The following BAG4 variants were observed in gnomAD, a reference collection of about 807,000 sequenced individuals.
The protein encoded by BAG4 is BAG family molecular chaperone regulator 4.
Under a neutral mutation model 52.1 loss-of-function variants are expected in BAG4, and 28 were observed. The ratio of observed to expected loss-of-function variants is 0.54; its 90% confidence interval spans 0.40 to 0.74. The LOEUF (loss-of-function observed/expected upper bound fraction) is 0.74, where lower values mean the gene tolerates loss of function less well. BAG4 is among the 30% of genes least tolerant of loss of function. The pLI is 0.00. For missense variants in BAG4, 525 were observed against 572.0 expected (o/e 0.92, Z 0.84); for synonymous variants, 208 against 217.0 (o/e 0.96, Z 0.37).
chr8:38,188,576 TAC>T lies in BAG4; in HGVS notation c.271-4111_271-4110del, dbSNP rs1200281222. On this transcript the variant is annotated intron_variant, in intron 1 of 4. Transcript: ENST00000287322. Reference sequence around the variant, plus strand: ...ATATGCACATATAAATACATATATATACGTGTATACACATATATATATGCATG... The same window carrying T: ...ATATGCACATATAAATACATATATATGTGTATACACATATATATATGCATG... Among the ~76,000 whole-genome samples, 7 of 150,570 alleles carry T rather than the reference TAC, an allele frequency of 4.6e-5. No individual in the cohort carries two copies. In the East Asian group the frequency reaches 7.8e-4, roughly 17 times the overall value.
At chr8:38,179,638 C>T (rs998832911) in intron 1 of BAG4, among the ~76,000 whole-genome samples, 1 of 151,548 alleles carries the variant, frequency 6.6e-6, no homozygotes, top group African/African-American at 2.4e-5. Flanking sequence ...TGGTGGCGGG[C>T]GCCTGTAATC....
rs764963918 is a variant in BAG4, at chr8:38,211,642, G to A, written c.*1149G>A. ...AGGGAATGAATCAGCCATAGTTAGA[G>A]TGGGAAATTATTATTTTCTTCATTT... On this transcript the variant is annotated 3_prime_UTR_variant, in exon 5 of 5. Coordinates refer to ENST00000287322, the MANE Select transcript of BAG4 (RefSeq NM_004874.4). 74 of 152,054 alleles carry A rather than the reference G, an allele frequency of 4.9e-4. No homozygotes were observed. Among genetic ancestry groups the A allele is most frequent in the Non-Finnish European group, 6.0e-4 (41 of 67,938 alleles). The allele number at this position is 152,054 out of a possible 1,614,324, so 9.4% of individuals were successfully genotyped here. A position where few individuals can be genotyped will look rare whatever the true frequency, so the allele number is the denominator to read the frequency against.
Position 38,210,622 on chromosome 8 carries a change from A to G in BAG4, c.*129A>G. 1.6e-6 allele frequency: 2 copies of G among 1,244,264 alleles called. No individual in the cohort carries two copies. The highest frequency in any genetic ancestry group is 2.2e-6 in the Non-Finnish European group (2 of 927,894). 77.1% of individuals were successfully genotyped at this position (1,244,264 alleles called of 1,614,324 possible). A position where few individuals can be genotyped will look rare whatever the true frequency, so the allele number is the denominator to read the frequency against. On this transcript the variant is annotated 3_prime_UTR_variant, in exon 5 of 5. Transcript: ENST00000287322. The stretch of plus-strand genomic sequence containing the variant: ...TACATTCCAGCTTTCCTTTGATTTT[A>G]TACTTGAAAAACTGGCAAAGGAATG...
chr8:38,200,763 T>C (rs1803650389), intron 2 of BAG4, among the ~76,000 whole-genome samples: 1 of 152,110 alleles, frequency 6.6e-6, no homozygotes, highest in Non-Finnish European at 1.5e-5. Flanking sequence ...CACGCCCGGC[T>C]AATTTTGTAT....
At position 38,210,212 on chromosome 8, in the gene BAG4, C is replaced by G. The variant is rs1199871725; in HGVS notation, c.1093C>G (p.Leu365Val). The part of the protein sequence containing the change: ...HPNNQDQSSS[L>V]PEECVPSDES... Reference sequence around the variant, plus strand: ...CAACAATCAAGATCAAAGTAGCAGTCTTCCTGAAGAATGTGTACCTTCAGA... The same window carrying G: ...CAACAATCAAGATCAAAGTAGCAGTGTTCCTGAAGAATGTGTACCTTCAGA... Residue 365 changes from leucine to valine, a missense_variant, in exon 5 of 5, where the codon CTT (leucine) becomes GTT (valine). Around this residue, in one of 2 missense-constraint regions of BAG4, gnomAD observed 238 missense variants for 305.8 expected, o/e 0.78. Transcript: ENST00000287322. The G allele has an allele frequency of 6.2e-7, 1 of 1,614,106 alleles. No homozygotes were observed. The highest frequency in any genetic ancestry group is 1.7e-5 in the Admixed American group (1 of 59,996).
rs751327189 is a variant in BAG4 at position 38,207,713 on chromosome 8, C to G, written c.580C>G (p.Gln194Glu). 1 of 1,614,204 alleles carries G rather than the reference C, an allele frequency of 6.2e-7. No homozygotes were observed. Among genetic ancestry groups the G allele is most frequent in the East Asian group, 2.2e-5 (1 of 44,888 alleles). Residue 194 changes from glutamine (Q) to glutamate (E), a missense_variant, in exon 3 of 5, where the codon CAG (glutamine) becomes GAG (glutamate). Transcript: ENST00000287322. The stretch of plus-strand genomic sequence containing the variant: ...TTGGATCTATCCCCAGCAGGACTGT[C>G]AGACTGAAGCACCCCCTCTTAGGGG... Reference protein sequence around the residue: ...SRWIYPQQDCQTEAPPLRGQV... With the variant: ...SRWIYPQQDCETEAPPLRGQV...
chr8:38,200,385 TC>T (rs1803640713), intron 2 of BAG4, among the ~76,000 whole-genome samples: 2 of 152,164 alleles, frequency 1.3e-5, no homozygotes, highest in South Asian at 2.1e-4. Context: ...CTATATGTCT[TC>T]CTTAAGCCAA....
intron 2 of BAG4, among the ~76,000 whole-genome samples, chr8:38,197,902 G>C (rs893725773): frequency 6.6e-6 from 1 of 151,886 alleles, no homozygotes; most frequent in Non-Finnish European, 1.5e-5. Flanking sequence ...GTTTCATCAT[G>C]TTGGCCAGGC....
At chr8:38,188,815 A>G (rs1040559730) in intron 1 of BAG4, among the ~76,000 whole-genome samples, 26 of 151,948 alleles carry the variant, frequency 1.7e-4, no homozygotes, top group Admixed American at 1.2e-3. Flanking sequence ...TATCTTTGAG[A>G]TGGAGCCTTG....
intron 4 of BAG4, chr8:38,209,544 G>T: frequency 2.2e-6 from 1 of 462,780 alleles, no homozygotes; most frequent in Non-Finnish European, 3.8e-6. Context: ...ATGCAAAGAT[G>T]CATTTTACTA....
chr8:38,210,186 C>A lies in BAG4; in HGVS notation c.1067C>A (p.Pro356His), dbSNP rs1370042268. 6.2e-7 allele frequency: 1 copy of A among 1,613,880 alleles called. No individual in the cohort carries two copies. Among genetic ancestry groups the A allele is most frequent in the Non-Finnish European group, 8.5e-7 (1 of 1,180,042 alleles). ...TATGGTAATGCCACCAGTGACCATC[C>A]CAACAATCAAGATCAAAGTAGCAGT... is the stretch of plus-strand genomic sequence containing the variant. ...QLYGNATSDHPNNQDQSSSLP... is the reference protein window; with the variant it reads ...QLYGNATSDHHNNQDQSSSLP... The change falls in exon 5 of 5, where the codon CCC becomes CAC. Residue 356 changes from proline to histidine, a missense_variant. Physicochemically the swap from Pro to His is moderately conservative, Grantham distance 77. Transcript: ENST00000287322.
rs1803827441 is a variant in BAG4, at chr8:38,209,209, C to T, written c.830C>T (p.Pro277Leu). The change falls in exon 4 of 5, where the codon CCA becomes CTA. Residue 277 changes from proline (P) to leucine (L), a missense_variant. By Grantham distance (98) the Pro-to-Leu change is moderately conservative. Around this residue, in one of 2 missense-constraint regions of BAG4, gnomAD observed 238 missense variants for 305.8 expected, o/e 0.78. Transcript: ENST00000287322. ...CTCTACATGACTGAAAGTACTTCACCATGGCCTAGCAGTGGCTCTCCCCAG... is the reference window on the plus strand; with the variant it reads ...CTCTACATGACTGAAAGTACTTCACTATGGCCTAGCAGTGGCTCTCCCCAG... ...GNLYMTESTSPWPSSGSPQSP... is the reference protein window; with the variant it reads ...GNLYMTESTSLWPSSGSPQSP... The T allele has an allele frequency of 6.2e-7, 1 of 1,614,080 alleles. No individual in the cohort carries two copies. Among genetic ancestry groups the T allele is most frequent in the African/African-American group, 1.3e-5 (1 of 74,924 alleles).
At chr8:38,186,369 G>C (rs1436134228) in intron 1 of BAG4, among the ~76,000 whole-genome samples, 1 of 152,194 alleles carries the variant, frequency 6.6e-6, no homozygotes, top group Non-Finnish European at 1.5e-5. Context: ...GCTGTAGAGA[G>C]TGGCTCAGAT....
In BAG4 at chr8:38,207,842, A is replaced by C; in HGVS notation, c.633+76A>C. 3 of 1,507,652 alleles carry C rather than the reference A, an allele frequency of 2.0e-6. No homozygotes were observed. In the South Asian group the frequency reaches 3.7e-5, roughly 19 times the overall value. The allele number at this position is 1,507,652 out of a possible 1,614,324, so 93.4% of individuals were successfully genotyped here. ...GTAAACAGTGGAAGAGCATCTGTTC[A>C]TACTAGTGCTGATTTAATAAGACAC... On this transcript the variant is annotated intron_variant, in intron 3 of 4. Coordinates refer to ENST00000287322, the MANE Select transcript of BAG4 (RefSeq NM_004874.4).
At chr8:38,185,108 A>G (rs990578979) in intron 1 of BAG4, among the ~76,000 whole-genome samples, 3 of 149,426 alleles carry the variant, frequency 2.0e-5, no homozygotes, top group East Asian at 4.0e-4. Flanking sequence ...AAAAAAAAAT[A>G]GAATGCTGTG....
In BAG4 at chr8:38,210,678, G is replaced by C; in HGVS notation, c.*185G>C. 1 of 743,956 alleles carries C rather than the reference G, an allele frequency of 1.3e-6. No individual in the cohort carries two copies. The highest frequency in any genetic ancestry group is 2.0e-6 in the Non-Finnish European group (1 of 508,122). The allele number at this position is 743,956 out of a possible 1,614,324, so 46.1% of individuals were successfully genotyped here. On this transcript the variant is annotated 3_prime_UTR_variant, in exon 5 of 5. Transcript: ENST00000287322. Reference sequence around the variant, plus strand: ...ATATTTTAGTCATGAGTTGTTTTCAGTTTTCAGACGAATGAATGTAATAGG... The same window carrying C: ...ATATTTTAGTCATGAGTTGTTTTCACTTTTCAGACGAATGAATGTAATAGG...
At chr8:38,200,721 C>T (rs1407806108) in intron 2 of BAG4, among the ~76,000 whole-genome samples, 1 of 152,156 alleles carries the variant, frequency 6.6e-6, no homozygotes, top group Non-Finnish European at 1.5e-5. Context: ...GTCTCAGCCT[C>T]TGGAGTAGCT....
chr8:38,181,257 G>C (rs1403874252), intron 1 of BAG4, among the ~76,000 whole-genome samples: 3 of 141,688 alleles, frequency 2.1e-5, no homozygotes, highest in Admixed American at 1.5e-4. Context: ...TTTTTGAGAC[G>C]GAGTTTTGCT....
chr8:38,205,767 G>A (rs1265386644), intron 2 of BAG4, among the ~76,000 whole-genome samples: 1 of 152,108 alleles, frequency 6.6e-6, no homozygotes, highest in Non-Finnish European at 1.5e-5. Context: ...TACCTAAAGT[G>A]GGAAAGATTA....
Sources: allele counts gnomAD v4.1 joint callset (sites outside exome capture counted in the v4.1 genomes callset), GRCh38; gene constraint gnomAD v4.1.1; regional missense constraint gnomAD v4.1.1; transcripts MANE v1.5; gene names NCBI Gene and HGNC (gene_info 2026-07-23, HGNC 2026-07-21).